The following CELF5 variants were observed in gnomAD, a reference collection of about 807,000 sequenced individuals.
CELF5 encodes the protein CUGBP Elav-like family member 5, also known as CUG-BP and ETR-3 like factor 5.
A neutral mutation model predicts 54.9 loss-of-function variants in CELF5; 6 were observed. That is an observed-to-expected ratio of 0.11 (90% CI 0.06 to 0.22). The LOEUF (loss-of-function observed/expected upper bound fraction) is 0.22. Among genes scored for constraint, CELF5 ranks in the 10% least tolerant of loss-of-function variants. The pLI is 1.00. For synonymous variants in CELF5, 271 were observed against 290.9 expected (o/e 0.93, Z 0.70); for missense variants, 401 against 678.6 (o/e 0.59, Z 4.54).
At chr19:3,284,099 C>T (rs560849244) in intron 8 of CELF5, among the ~76,000 whole-genome samples, 12 of 150,408 alleles carry the variant, frequency 8.0e-5, no homozygotes, top group South Asian at 4.2e-4. Context: ...CCTCCTTCCT[C>T]GGCCTCCCAA....
chr19:3,227,196 A>G (rs1342944157), intron 1 of CELF5, among the ~76,000 whole-genome samples: 1 of 152,006 alleles, frequency 6.6e-6, no homozygotes, highest in Non-Finnish European at 1.5e-5. Context: ...GGTGCTTGGC[A>G]CGAAGGGGTG....
intron 1 of CELF5, among the ~76,000 whole-genome samples, chr19:3,245,299 C>G (rs1568335399): frequency 1.6e-5 from 2 of 122,506 alleles, no homozygotes; most frequent in South Asian, 2.7e-4. Flanking sequence ...GTGTTTGCAT[C>G]TGTGTGTGTG....
At position 3,286,043 on chromosome 19, in the gene CELF5, T is replaced by G. The variant is rs1194924957; in HGVS notation, c.1186+18T>G. On this transcript the variant is annotated intron_variant, in intron 10 of 12. Transcript: ENST00000292672. ...GCGAGAAGGTGAGGCGGCCGCAACC[T>G]CCCCTGGGCGCCAGCCCCGCCCTCT... 5.2e-6 allele frequency: 8 copies of G among 1,538,464 alleles called. No individual in the cohort carries two copies. Among genetic ancestry groups the G allele is most frequent in the Non-Finnish European group, 6.9e-6 (8 of 1,152,384 alleles).
chr19:3,280,100 C>T (rs546019279), intron 5 of CELF5, among the ~76,000 whole-genome samples: 2 of 152,340 alleles, frequency 1.3e-5, no homozygotes, highest in South Asian at 4.1e-4. Flanking sequence ...CTGCCCAGGG[C>T]TGCCTGTTGG....
intron 3 of CELF5, 100 bp downstream of exon 3, chr19:3,274,023 C>G (rs759644754): frequency 4.0e-6 from 5 of 1,242,714 alleles, no homozygotes; most frequent in Non-Finnish European, 5.8e-6. Flanking sequence ...GGGCAGTGGC[C>G]GAGGCCTGTG....
chr19:3,245,270 T>C (rs931460827), intron 1 of CELF5, among the ~76,000 whole-genome samples: 1 of 148,776 alleles, frequency 6.7e-6, no homozygotes, highest in Admixed American at 6.7e-5. Flanking sequence ...TGTGTATGCA[T>C]CTCTGTGTGT....
At position 3,268,014 on chromosome 19, in the gene CELF5, T is replaced by C. The variant is rs1568349279; in HGVS notation, c.343-5858T>C. ...TTTTTGTTTTGTTTTGTTTTGCTTT[T>C]TTGAGATGGAGTCTCGCTCTGTCGC... On this transcript the variant is annotated intron_variant, in intron 2 of 12. Transcript: ENST00000292672. The surrounding 1 kb of genome is among the most constrained non-coding windows in gnomAD (Gnocchi z 4.4). Among the ~76,000 whole-genome samples the C allele has an allele frequency of 2.0e-5, 3 of 152,158 alleles. No individual in the cohort carries two copies. Among genetic ancestry groups the C allele is most frequent in the Non-Finnish European group, 4.4e-5 (3 of 68,030 alleles).
chr19:3,278,004 C>T lies in CELF5; in HGVS notation c.524-27C>T, dbSNP rs2145246587. ...GCCAGTCCTGTGACCCCATCACCCTCTACCTCTTCTTCTTCTCTTGGAGCA... is the reference window on the plus strand; with the variant it reads ...GCCAGTCCTGTGACCCCATCACCCTTTACCTCTTCTTCTTCTCTTGGAGCA... On this transcript the variant is annotated intron_variant, in intron 4 of 12. Transcript: ENST00000292672. The surrounding 1 kb of genome is among the most constrained non-coding windows in gnomAD (Gnocchi z 4.5). 1 of 1,603,540 alleles carries T rather than the reference C, an allele frequency of 6.2e-7. No individual in the cohort carries two copies. Among genetic ancestry groups the T allele is most frequent in the Non-Finnish European group, 8.5e-7 (1 of 1,170,814 alleles).
chr19:3,274,575 C>T (rs1356180761), intron 3 of CELF5, among the ~76,000 whole-genome samples: 1 of 152,150 alleles, frequency 6.6e-6, no homozygotes, highest in Non-Finnish European at 1.5e-5. Context: ...AGGCTGGGGC[C>T]AGTGTTGTCT....
chr19:3,284,998 T>TGGCCCCCCCCCCGCCCAG, intron 9 of CELF5, 34 bp downstream of exon 9: 1 of 1,504,258 alleles, frequency 6.6e-7, no homozygotes, highest in Non-Finnish European at 9.1e-7. Context: ...CGCTGGGCCC[T>TGGCCCCCCCCCCGCCCAG]GGCCCCGCCC....
chr19:3,273,031 C>T (rs1419358730), intron 2 of CELF5, among the ~76,000 whole-genome samples: 1 of 152,054 alleles, frequency 6.6e-6, no homozygotes, highest in Non-Finnish European at 1.5e-5. Flanking sequence ...ACAATGAATC[C>T]AGATGGCAGG....
At chr19:3,291,269 CA>C (rs555052513) in intron 11 of CELF5, among the ~76,000 whole-genome samples, 1 of 151,042 alleles carries the variant, frequency 6.6e-6, no homozygotes, top group Non-Finnish European at 1.5e-5. Flanking sequence ...CTGTCTCATA[CA>C]AAAAAACAAA....
Position 3,268,100 on chromosome 19 carries a change from G to T in CELF5, c.343-5772G>T, listed in dbSNP as rs937459439. On this transcript the variant is annotated intron_variant, in intron 2 of 12. Coordinates refer to ENST00000292672, the MANE Select transcript of CELF5 (RefSeq NM_021938.4). This position sits in a 1 kb window ranked among gnomAD's most constrained non-coding sequence, Gnocchi z 4.4. ...TGCAACCTCGGCCTCCTGGGTTCAA[G>T]CAATTCTTCTGCCTCAGCCTCCCGA... Among the ~76,000 whole-genome samples, 1 of 152,130 alleles carries T rather than the reference G, an allele frequency of 6.6e-6. No homozygotes were observed. Among genetic ancestry groups the T allele is most frequent in the South Asian group, 2.1e-4 (1 of 4,818 alleles).
intron 2 of CELF5, among the ~76,000 whole-genome samples, chr19:3,266,454 A>G (rs1274822473): frequency 1.3e-5 from 2 of 151,830 alleles, no homozygotes; most frequent in African/African-American, 4.8e-5. Flanking sequence ...AGAAGAGGAA[A>G]GAAAGAATCA....
At chr19:3,293,638 G>C (rs867265890) in intron 12 of CELF5, 152 bp downstream of exon 12, 2 of 652,134 alleles carry the variant, frequency 3.1e-6, no homozygotes, top group Middle Eastern at 4.2e-4. Context: ...CGGGGACAGA[G>C]CTGGATGTAG....
At chr19:3,287,016 C>T (rs1241886279) in intron 10 of CELF5, among the ~76,000 whole-genome samples, 9 of 116,884 alleles carry the variant, frequency 7.7e-5, no homozygotes, top group South Asian at 5.2e-4. Flanking sequence ...GCCTGGGCGA[C>T]AGAGCAAGAC....
At chr19:3,293,281 G>T in intron 11 of CELF5, 38 bp from the exon 12 acceptor site, 20 of 1,611,722 alleles carry the variant, frequency 1.2e-5, no homozygotes, top group Non-Finnish European at 1.7e-5. Flanking sequence ...GAGGACACCC[G>T]CAGCGCCAAC....
intron 5 of CELF5, among the ~76,000 whole-genome samples, chr19:3,280,634 C>T (rs963124318): frequency 6.6e-6 from 1 of 152,108 alleles, no homozygotes; most frequent in Non-Finnish European, 1.5e-5. Context: ...GCATGGAGGA[C>T]AGAGTCAGGA....
chr19:3,241,009 C>G (rs1015258477), intron 1 of CELF5, among the ~76,000 whole-genome samples: 1 of 151,882 alleles, frequency 6.6e-6, no homozygotes, highest in African/African-American at 2.4e-5. Flanking sequence ...CCTTGGTACC[C>G]TTGGGTCTCG....
Sources: gnomAD v4.1 joint callset for allele counts (sites outside exome capture counted in the v4.1 genomes callset) on GRCh38, gnomAD v4.1.1 for gene constraint, Gnocchi (gnomAD v3.1) non-coding constraint, MANE v1.5 for transcripts, NCBI Gene and HGNC (gene_info 2026-07-23, HGNC 2026-07-21) for gene names.